The following RABGAP1L variants were observed in gnomAD, a reference collection of about 807,000 sequenced individuals.
RABGAP1L encodes rab GTPase-activating protein 1-like.
Under a neutral mutation model 137.7 loss-of-function variants are expected in RABGAP1L, and 63 were observed. The ratio of observed to expected loss-of-function variants is 0.46; its 90% CI spans 0.37 to 0.56. The LOEUF (loss-of-function observed/expected upper bound fraction) is 0.56, where lower values mean the gene tolerates loss of function less well. Ranked by LOEUF, RABGAP1L falls within the 20% of genes least tolerant of loss-of-function variation. The probability of loss-of-function intolerance (pLI) is 0.00; values close to 1 mark genes in which losing one functional copy is unlikely to be tolerated. For synonymous variants in RABGAP1L, 431 were observed against 433.7 expected, an observed-to-expected ratio of 0.99 and a Z score of 0.08; for missense variants, 1,095 against 1,244.0, an observed-to-expected ratio of 0.88 and a Z score of 1.80.
At chr1:174,171,077 A>G (rs1665344759) in intron 1 of RABGAP1L, among the ~76,000 whole-genome samples, 1 of 152,206 alleles carries the variant, frequency 6.6e-6, no homozygotes, top group South Asian at 2.1e-4. Flanking sequence ...GATGTATTAT[A>G]AAAAGTGGAT....
At chr1:174,715,167 G>A (rs527407575) in intron 17 of RABGAP1L, among the ~76,000 whole-genome samples, 1 of 152,220 alleles carries the variant, frequency 6.6e-6, no homozygotes, top group Admixed American at 6.5e-5. Context: ...AATGATTATT[G>A]GCAAAAGTAT....
chr1:174,779,561 G>GT (rs1259166514), intron 18 of RABGAP1L, among the ~76,000 whole-genome samples: 2 of 152,068 alleles, frequency 1.3e-5, no homozygotes, highest in Admixed American at 6.6e-5. Flanking sequence ...TTAACCTTAT[G>GT]TTTTTTCCAG....
intron 13 of RABGAP1L, among the ~76,000 whole-genome samples, chr1:174,515,048 G>C (rs888431656): frequency 1.3e-5 from 2 of 151,892 alleles, no homozygotes; most frequent in Non-Finnish European, 2.9e-5. Context: ...CTATTTTCCA[G>C]TATCAAATAA....
intron 11 of RABGAP1L, among the ~76,000 whole-genome samples, chr1:174,344,666 A>G (rs928790738): frequency 6.6e-6 from 1 of 152,174 alleles, no homozygotes; most frequent in Non-Finnish European, 1.5e-5. Context: ...TGCACTGGCC[A>G]CTGTGGAAAC....
intron 4 of RABGAP1L, among the ~76,000 whole-genome samples, chr1:174,239,129 C>G (rs1263529142): frequency 6.6e-6 from 1 of 152,150 alleles, no homozygotes; most frequent in East Asian, 1.9e-4. Flanking sequence ...CTTCGGCTCG[C>G]GCACCGTGCG....
At chr1:174,978,781 G>A in intron 22 of RABGAP1L, 26 bp from the exon 23 acceptor site, 1 of 1,515,340 alleles carries the variant, frequency 6.6e-7, no homozygotes, top group Non-Finnish European at 8.8e-7. Context: ...GCTAAATCCT[G>A]ATATTTCTCA....
At chr1:174,403,247 G>GTGTATA (rs1210664506) in intron 13 of RABGAP1L, among the ~76,000 whole-genome samples, 1 of 129,354 alleles carries the variant, frequency 7.7e-6, no homozygotes, top group African/African-American at 3.1e-5. Context: ...GTGTGTGTGT[G>GTGTATA]TATATATATG....
intron 19 of RABGAP1L, among the ~76,000 whole-genome samples, chr1:174,827,247 C>T (rs551661435): frequency 3.9e-5 from 6 of 152,116 alleles, no homozygotes; most frequent in Non-Finnish European, 5.9e-5. Flanking sequence ...TGGGCTCAAA[C>T]GATCCTCATG....
chr1:174,688,842 C>G (rs1426122105), intron 15 of RABGAP1L, among the ~76,000 whole-genome samples: 1 of 151,906 alleles, frequency 6.6e-6, no homozygotes, highest in Non-Finnish European at 1.5e-5. Context: ...TACAACATTA[C>G]ATTTGGTATG....
At chr1:174,916,075 AG>A (rs1167945922) in intron 19 of RABGAP1L, among the ~76,000 whole-genome samples, 2 of 122,722 alleles carry the variant, frequency 1.6e-5, no homozygotes, top group East Asian at 2.8e-4. Context: ...ATTTTTCTTT[AG>A]TTTTTTTTTT....
At chr1:174,177,010 A>T (rs990034964) in intron 1 of RABGAP1L, among the ~76,000 whole-genome samples, 25 of 152,182 alleles carry the variant, frequency 1.6e-4, no homozygotes, top group African/African-American at 5.8e-4. Context: ...CAGGAGGTCA[A>T]GGTTGCAGTG....
intron 10 of RABGAP1L, among the ~76,000 whole-genome samples, chr1:174,298,862 A>T (rs1677382725): frequency 6.6e-6 from 1 of 152,160 alleles, no homozygotes; most frequent in African/African-American, 2.4e-5. Context: ...TAGAATATTG[A>T]TCCAGACTTG....
chr1:174,808,653 T>C (rs946920556), intron 18 of RABGAP1L, among the ~76,000 whole-genome samples: 13 of 151,308 alleles, frequency 8.6e-5, no homozygotes, highest in African/African-American at 3.2e-4. Flanking sequence ...GGTTTTTCTT[T>C]CTTTCTTTTT....
chr1:174,283,053 G>A (rs965824694), intron 10 of RABGAP1L, among the ~76,000 whole-genome samples: 2 of 151,938 alleles, frequency 1.3e-5, no homozygotes, highest in Non-Finnish European at 2.9e-5. Flanking sequence ...TTTATTTGTT[G>A]CGAGTTCTTT....
At chr1:174,867,253 C>T (rs989295162) in intron 19 of RABGAP1L, among the ~76,000 whole-genome samples, 4 of 151,556 alleles carry the variant, frequency 2.6e-5, no homozygotes, top group Admixed American at 6.6e-5. Context: ...TGGTGGTGTG[C>T]GCTTATAGTC....
chr1:174,474,209 T>A (rs1658248774), intron 13 of RABGAP1L, among the ~76,000 whole-genome samples: 1 of 152,222 alleles, frequency 6.6e-6, no homozygotes, highest in African/African-American at 2.4e-5. Context: ...ATTCAATTTG[T>A]AGTATCATTT....
At chr1:174,415,508 A>G (rs1650450091) in intron 13 of RABGAP1L, among the ~76,000 whole-genome samples, 1 of 152,050 alleles carries the variant, frequency 6.6e-6, no homozygotes, top group Non-Finnish European at 1.5e-5. Flanking sequence ...TGAGAAGCTG[A>G]TCTCTGACAT....
chr1:174,669,299 G>A (rs974108188), intron 14 of RABGAP1L, among the ~76,000 whole-genome samples: 1 of 152,260 alleles, frequency 6.6e-6, no homozygotes, highest in Non-Finnish European at 1.5e-5. Flanking sequence ...CCCTGATTCA[G>A]TTACCTTCAC....
intron 10 of RABGAP1L, among the ~76,000 whole-genome samples, chr1:174,296,198 A>G (rs1219893061): frequency 6.6e-6 from 1 of 152,184 alleles, no homozygotes; most frequent in Non-Finnish European, 1.5e-5. Flanking sequence ...TTTAATTGGT[A>G]AATAAGAGAC....
Sources: allele counts gnomAD v4.1 joint callset (sites outside exome capture counted in the v4.1 genomes callset), GRCh38; gene constraint gnomAD v4.1.1; transcripts MANE v1.5; gene names NCBI Gene and HGNC (gene_info 2026-07-23, HGNC 2026-07-21).